CNTRL: variants seen among roughly 807,000 people sequenced by gnomAD.
CNTRL encodes the protein centriolin.
A neutral mutation model predicts 303.7 loss-of-function variants in CNTRL; 233 were observed. The ratio of observed to expected loss-of-function variants is 0.77; its 90% CI spans 0.69 to 0.86. The LOEUF (loss-of-function observed/expected upper bound fraction) is 0.86. Ranked by LOEUF, CNTRL falls within the 40% of genes least tolerant of loss-of-function variation. The probability of loss-of-function intolerance (pLI) is 0.00; values close to 1 mark genes in which losing one functional copy is unlikely to be tolerated. For missense variants in CNTRL, 2,524 were observed against 2,650.6 expected, an observed-to-expected ratio of 0.95 and a Z score of 1.05; for synonymous variants, 900 against 922.2, an observed-to-expected ratio of 0.98 and a Z score of 0.44.
At chr9:121,135,698 G>T in intron 14 of CNTRL, 108 bp from the exon 15 acceptor site, 1 of 1,001,816 alleles carries the variant, frequency 1.0e-6, no homozygotes, top group Non-Finnish European at 1.4e-6. Context: ...GCAGGCATCA[G>T]TAGCTGGCCA....
intron 4 of CNTRL, among the ~76,000 whole-genome samples, chr9:121,090,844 C>A (rs1457207123): frequency 6.6e-6 from 1 of 152,154 alleles, no homozygotes; most frequent in Non-Finnish European, 1.5e-5. Flanking sequence ...TAAAGACATA[C>A]CCAAGACTGG....
At chr9:121,130,727 G>T (rs1451622802) in intron 14 of CNTRL, among the ~76,000 whole-genome samples, 1 of 152,076 alleles carries the variant, frequency 6.6e-6, no homozygotes, top group Non-Finnish European at 1.5e-5. Context: ...TGTTGTTAGG[G>T]TATTGATTTT....
chr9:121,158,911 G>A lies in CNTRL; in HGVS notation c.4821G>A (p.Lys1607=). ...AVLDRQLGHK[K]EELHLLQGSM... ...TGGACAGGCAGTTAGGGCATAAAAA[G>A]GAGGAGCTGCATCTACTCCAAGGAA... Residue 1607 remains lysine, a synonymous_variant, in exon 31 of 44, where the codon AAG becomes AAA. Transcript: ENST00000373855. The A allele has an allele frequency of 6.2e-7, 1 of 1,614,142 alleles. No individual in the cohort carries two copies. The highest frequency in any genetic ancestry group is 8.5e-7 in the Non-Finnish European group (1 of 1,180,006).
intron 35 of CNTRL, among the ~76,000 whole-genome samples, chr9:121,165,725 G>C (rs1404268598): frequency 1.3e-5 from 2 of 152,126 alleles, no homozygotes; most frequent in Non-Finnish European, 2.9e-5. Context: ...GAAGTGACTT[G>C]CTAGAGGTCA....
Position 121,168,086 on chromosome 9 carries a change from CT to C in CNTRL, c.5845-7del. The C allele has an allele frequency of 6.2e-7, 1 of 1,604,026 alleles. No homozygotes were observed. The highest frequency in any genetic ancestry group is 8.5e-7 in the Non-Finnish European group (1 of 1,175,210). ...TGTTTAATGACTAATCAAGATTATT[CT>C]TTATTAAGATGTTTCAGAGACTCCA... is the stretch of plus-strand genomic sequence containing the variant. On this transcript the variant is annotated splice_polypyrimidine_tract_variant and intron_variant, in intron 37 of 43. Transcript: ENST00000373855.
At chr9:121,169,031 C>A (rs2053202242) in intron 38 of CNTRL, among the ~76,000 whole-genome samples, 1 of 152,136 alleles carries the variant, frequency 6.6e-6, no homozygotes, top group Non-Finnish European at 1.5e-5. Flanking sequence ...GCAGGGTGCT[C>A]CTCTAGGGTG....
chr9:121,080,644 T>C (rs569906967), intron 2 of CNTRL, among the ~76,000 whole-genome samples, 166 bp downstream of exon 2: 1 of 152,372 alleles, frequency 6.6e-6, no homozygotes, highest in East Asian at 1.9e-4. Flanking sequence ...AAACAAAGTG[T>C]ACCTGAAGCG....
In CNTRL at chr9:121,113,524, CA is replaced by C. The variant is rs1286697031; in HGVS notation, c.1146del (p.Asp383MetfsTer45). 21 of 1,581,688 alleles carry C rather than the reference CA, an allele frequency of 1.3e-5. No individual in the cohort carries two copies. The highest frequency in any genetic ancestry group is 1.6e-5 in the Non-Finnish European group (19 of 1,169,560). Reference protein sequence around the residue: ...PSEYAEIDKAPDESPYIGKSR... With the variant: ...PSEYAEIDKAXDESPYIGKSR... ...TAGTATGCTGAAATTGATAAAGCCC[CA>C]GATGAAAGCCCTTACATTGGCAAAT... is the stretch of plus-strand genomic sequence containing the variant. On this transcript the variant is annotated frameshift_variant, in exon 10 of 44. Coordinates refer to ENST00000373855, the MANE Select transcript of CNTRL (RefSeq NM_007018.6). LOFTEE classifies it high-confidence loss of function.
rs746278022 is a variant in CNTRL at position 121,135,792 on chromosome 9, C to G, written c.2026-14C>G. ...AGTGAGGGTTCCATAGTTAAACCCA[C>G]TGAATCTTTCTAGGAGCTTGCAGAG... On this transcript the variant is annotated splice_polypyrimidine_tract_variant and intron_variant, in intron 14 of 43. Coordinates refer to ENST00000373855, the MANE Select transcript of CNTRL (RefSeq NM_007018.6). 1.9e-6 allele frequency: 3 copies of G among 1,596,904 alleles called. No homozygotes were observed. The Admixed American group carries it at 5.2e-5, about 28-fold the overall frequency.
At chr9:121,102,347 C>T (rs2049219934) in intron 7 of CNTRL, among the ~76,000 whole-genome samples, 1 of 152,208 alleles carries the variant, frequency 6.6e-6, no homozygotes, top group Admixed American at 6.5e-5. Flanking sequence ...CAAACTTCAA[C>T]AGCCCTTCAT....
intron 36 of CNTRL, among the ~76,000 whole-genome samples, 180 bp from the exon 37 acceptor site, chr9:121,167,306 CAAA>C (rs34581990): frequency 6.7e-6 from 1 of 148,948 alleles, no homozygotes; most frequent in African/African-American, 2.5e-5. Context: ...GCAAGACTGT[CAAA>C]AAAAAAAAAG....
Position 121,152,468 on chromosome 9 carries a change from T to A in CNTRL, c.3964-17T>A. On this transcript the variant is annotated splice_polypyrimidine_tract_variant and intron_variant, in intron 25 of 43. Transcript: ENST00000373855. ...TGTGATGTTTCAGCACTGCATTTTT[T>A]TCCCCATCTCATTCAGGAGAATGAA... 2 of 1,599,350 alleles carry A rather than the reference T, an allele frequency of 1.3e-6. No homozygotes were observed. Among genetic ancestry groups the A allele is most frequent in the South Asian group, 2.2e-5 (2 of 90,656 alleles).
At chr9:121,124,368 T>C (rs987001249) in intron 13 of CNTRL, among the ~76,000 whole-genome samples, 6 of 152,218 alleles carry the variant, frequency 3.9e-5, no homozygotes, top group Non-Finnish European at 8.8e-5. Context: ...TGATTGTCTA[T>C]GACATAAAAT....
At chr9:121,101,187 T>C (rs1481704756) in intron 7 of CNTRL, among the ~76,000 whole-genome samples, 1 of 152,108 alleles carries the variant, frequency 6.6e-6, no homozygotes, top group East Asian at 1.9e-4. Flanking sequence ...GAACAGAAAT[T>C]ATAACAAACT....
chr9:121,103,691 A>G (rs1340722218), intron 7 of CNTRL, among the ~76,000 whole-genome samples: 1 of 152,216 alleles, frequency 6.6e-6, no homozygotes, highest in Non-Finnish European at 1.5e-5. Flanking sequence ...AAGAACTTAA[A>G]TTTACAAGAA....
chr9:121,119,290 T>A (rs1314728397), intron 12 of CNTRL, among the ~76,000 whole-genome samples: 2 of 151,188 alleles, frequency 1.3e-5, no homozygotes, highest in South Asian at 2.1e-4. Flanking sequence ...CTTTTTTTCA[T>A]CTTTCTTTCT....
At chr9:121,153,695 A>G (rs2134304364) in intron 26 of CNTRL, among the ~76,000 whole-genome samples, 1 of 152,332 alleles carries the variant, frequency 6.6e-6, no homozygotes, top group East Asian at 1.9e-4. Context: ...TAATTATGCA[A>G]AAGCCTATCT....
At chr9:121,129,576 G>A (rs1453503285) in intron 14 of CNTRL, among the ~76,000 whole-genome samples, 1 of 152,150 alleles carries the variant, frequency 6.6e-6, no homozygotes, top group African/African-American at 2.4e-5. Flanking sequence ...CATGTCATCT[G>A]CAAACTGAGA....
At chr9:121,103,733 G>T (rs1052416807) in intron 7 of CNTRL, among the ~76,000 whole-genome samples, 3 of 152,174 alleles carry the variant, frequency 2.0e-5, no homozygotes, top group Non-Finnish European at 2.9e-5. Context: ...GTGGGCGAAG[G>T]ATATGAACAG....
Sources: allele counts gnomAD v4.1 joint callset (sites outside exome capture counted in the v4.1 genomes callset), GRCh38; gene constraint gnomAD v4.1.1; transcripts MANE v1.5; gene names NCBI Gene and HGNC (gene_info 2026-07-23, HGNC 2026-07-21).